Variants in CACNA1A observed in about 807,000 individuals in gnomAD.
CACNA1A encodes the protein calcium voltage-gated channel subunit alpha1 A, also known as voltage-dependent P/Q-type calcium channel subunit alpha-1A.
Under a neutral mutation model 262.4 loss-of-function variants are expected in CACNA1A, and 57 were observed. That is an observed-to-expected ratio of 0.22 (90% CI 0.18 to 0.27). The LOEUF (loss-of-function observed/expected upper bound fraction) is 0.27, where lower values mean the gene tolerates loss of function less well. CACNA1A is among the 10% of genes least tolerant of loss of function. CACNA1A has a pLI of 1.00. For missense variants in CACNA1A, 2,526 were observed against 3,562.8 expected (o/e 0.71, Z 7.41); for synonymous variants, 1,431 against 1,419.3 (o/e 1.01, Z -0.18).
chr19:13,207,687 A>C lies in CACNA1A; in HGVS notation c.7147T>G (p.Cys2383Gly). Residue 2383 changes from cysteine to glycine, a missense_variant, in exon 47 of 47, where the codon TGT becomes GGT. Coordinates refer to ENST00000360228, the MANE Select transcript of CACNA1A (RefSeq NM_001127222.2). The surrounding 1 kb of genome is among the most constrained non-coding windows in gnomAD (Gnocchi z 5.7). ...GGCCACCGGGCCCCGCCGTGTCGAC[A>C]GGCCCTGGGGGACTCGCTCCGGGCC... is the stretch of plus-strand genomic sequence containing the variant. The part of the protein sequence containing the change: ...GPARSESPRA[C>G]RHGGARWPAS... The C allele has an allele frequency of 1.4e-6, 2 of 1,413,252 alleles. No homozygotes were observed. Among genetic ancestry groups the C allele is most frequent in the South Asian group, 1.4e-5 (1 of 69,738 alleles). The allele number at this position is 1,413,252 out of a possible 1,614,324, so 87.5% of individuals were successfully genotyped here.
In CACNA1A at chr19:13,413,895, A is replaced by AAAGAAAGAAAGAAAGAAAGAAAG. The variant is rs2060168175; in HGVS notation, c.539+38980_539+38981insCTTTCTTTCTTTCTTTCTTTCTT. Among the ~76,000 whole-genome samples the AAAGAAAGAAAGAAAGAAAGAAAG allele has an allele frequency of 1.7e-4, 20 of 119,138 alleles. 3 individuals carry two copies. The highest frequency in any genetic ancestry group is 7.3e-4 in the African/African-American group (18 of 24,552). The allele number at this position is 119,138 out of a possible 152,430, so 78.2% of individuals were successfully genotyped here. ...GACTCTGTCAAGAAAGAAAGAAAGAAAAAGAAAGAAAGAAAGAAAGAAAGA... is the reference window on the plus strand; with the variant it reads ...GACTCTGTCAAGAAAGAAAGAAAGAAAAGAAAGAAAGAAAGAAAGAAAGAAAGAAAGAAAGAAAGAAAGAAAGA... On this transcript the variant is annotated intron_variant, in intron 3 of 46. Transcript: ENST00000360228.
At chr19:13,401,557 C>G (rs1045876216) in intron 3 of CACNA1A, among the ~76,000 whole-genome samples, 4 of 152,178 alleles carry the variant, frequency 2.6e-5, no homozygotes, top group Non-Finnish European at 5.9e-5. Flanking sequence ...CATTTCCCAG[C>G]CTCCCATGCA....
At chr19:13,290,413 T>TATA (rs918297732) in intron 19 of CACNA1A, among the ~76,000 whole-genome samples, 4 of 151,110 alleles carry the variant, frequency 2.6e-5, no homozygotes, top group African/African-American at 4.9e-5. Flanking sequence ...TCTGTGTGTG[T>TATA]ATAATAATAA....
chr19:13,317,337 T>C lies in CACNA1A; in HGVS notation c.1346-16A>G. 1 of 1,590,288 alleles carries C rather than the reference T, an allele frequency of 6.3e-7. No individual in the cohort carries two copies. Among genetic ancestry groups the C allele is most frequent in the Non-Finnish European group, 8.6e-7 (1 of 1,160,842 alleles). On this transcript the variant is annotated splice_polypyrimidine_tract_variant and intron_variant, in intron 10 of 46. Coordinates refer to ENST00000360228, the MANE Select transcript of CACNA1A (RefSeq NM_001127222.2). ...AAGGGAGAACCTGCCAGGGAAAAGA[T>C]GGAGAATGTCAGGCTCAGGCTGTTC...
At chr19:13,435,706 C>T (rs928026823) in intron 3 of CACNA1A, among the ~76,000 whole-genome samples, 12 of 152,162 alleles carry the variant, frequency 7.9e-5, no homozygotes, top group East Asian at 1.9e-4. Flanking sequence ...ATAACTCCCT[C>T]GGGTCACTCG....
rs762033223 is a variant in CACNA1A at position 13,334,433 on chromosome 19, C to T, written c.1143G>A (p.Arg381=). The T allele has an allele frequency of 9.3e-6, 15 of 1,612,822 alleles. No homozygotes were observed. Among genetic ancestry groups the T allele is most frequent in the Non-Finnish European group, 1.3e-5 (15 of 1,178,954 alleles). The stretch of plus-strand genomic sequence containing the variant: ...TGAGCTCACGTTCAATCTGTTGTTG[C>T]CGCCTCAGCTTCAGAAAAGCCCGCC... The part of the protein sequence containing the change: ...ENRRAFLKLR[R]QQQIERELNG... Residue 381 remains arginine (R), a synonymous_variant, in exon 8 of 47, where the codon CGG becomes CGA. Coordinates refer to ENST00000360228, the MANE Select transcript of CACNA1A (RefSeq NM_001127222.2).
chr19:13,240,558 CAT>C (rs1723876403), intron 31 of CACNA1A, among the ~76,000 whole-genome samples: 1 of 144,688 alleles, frequency 6.9e-6, no homozygotes, highest in African/African-American at 2.5e-5. Flanking sequence ...GCAGTGTGTG[CAT>C]AGTGACTGTG....
chr19:13,380,282 C>CAA (rs58162911), intron 3 of CACNA1A, among the ~76,000 whole-genome samples: 15 of 22,018 alleles, frequency 6.8e-4, no homozygotes, highest in Non-Finnish European at 7.6e-4. Flanking sequence ...GATGCCGTCT[C>CAA]AAAAAAAAAA....
intron 1 of CACNA1A, among the ~76,000 whole-genome samples, chr19:13,461,972 C>T (rs888738514): frequency 1.3e-5 from 2 of 152,132 alleles, no homozygotes; most frequent in Non-Finnish European, 2.9e-5. Context: ...CCTGCAGAGG[C>T]CCCAGAGAGA....
intron 38 of CACNA1A, among the ~76,000 whole-genome samples, chr19:13,223,022 T>C (rs2055295548): frequency 6.6e-6 from 1 of 151,958 alleles, no homozygotes; most frequent in African/African-American, 2.4e-5. Context: ...AATGTTTTTT[T>C]CTTTTTCTTT....
At chr19:13,457,101 A>G (rs1797783902) in intron 1 of CACNA1A, among the ~76,000 whole-genome samples, 1 of 152,052 alleles carries the variant, frequency 6.6e-6, no homozygotes, top group Non-Finnish European at 1.5e-5. Flanking sequence ...AATATGAAAA[A>G]TTAGCCGGGC....
At chr19:13,274,338 G>A (rs2057096572) in intron 24 of CACNA1A, 1 of 152,132 alleles carries the variant, frequency 6.6e-6, no homozygotes, top group African/African-American at 2.4e-5. Flanking sequence ...TACTGGAAAT[G>A]GGCCACTATT....
At chr19:13,427,502 C>T (rs2060425428) in intron 3 of CACNA1A, among the ~76,000 whole-genome samples, 1 of 118,674 alleles carries the variant, frequency 8.4e-6, no homozygotes, top group African/African-American at 3.3e-5. Flanking sequence ...ATAAAGAGTT[C>T]CCCCTATGAG....
At position 13,398,796 on chromosome 19, in the gene CACNA1A, T is replaced by C. The variant is rs187083635; in HGVS notation, c.540-27017A>G. On this transcript the variant is annotated intron_variant, in intron 3 of 46. Coordinates refer to ENST00000360228, the MANE Select transcript of CACNA1A (RefSeq NM_001127222.2). ...CATGAGAAGTGCTGAGCACACCACC[T>C]GATGCATAGTAAGTGCTCAGGAAGT... 4.6e-3 allele frequency among the ~76,000 whole-genome samples: 706 copies of C among 152,382 alleles called. 4 individuals are homozygous for C. The highest frequency in any genetic ancestry group is 7.5e-3 in the Non-Finnish European group (513 of 68,030).
chr19:13,503,883 G>C (rs1211826990), intron 1 of CACNA1A, among the ~76,000 whole-genome samples: 1 of 152,018 alleles, frequency 6.6e-6, no homozygotes, highest in East Asian at 1.9e-4. Context: ...AGCAACACTC[G>C]CAATTCACCT....
At chr19:13,327,519 G>GA (rs564901003) in intron 10 of CACNA1A, among the ~76,000 whole-genome samples, 218 of 109,490 alleles carry the variant, frequency 2.0e-3, no homozygotes, top group Middle Eastern at 5.3e-3. Context: ...CTCCATCTCA[G>GA]AAAAAAAAAA....
At chr19:13,402,803 T>TATATATATACATATATACACAC (rs2059923289) in intron 3 of CACNA1A, among the ~76,000 whole-genome samples, 3 of 119,810 alleles carry the variant, frequency 2.5e-5, no homozygotes, top group Non-Finnish European at 4.9e-5. Context: ...TATACACACA[T>TATATATATACATATATACACAC]ATATATATAC....
intron 3 of CACNA1A, among the ~76,000 whole-genome samples, chr19:13,381,003 T>C (rs2144606556): frequency 6.6e-6 from 1 of 152,126 alleles, no homozygotes; most frequent in Middle Eastern, 3.4e-3. Context: ...CTCGAACTCC[T>C]GAGCTCAAGC....
intron 36 of CACNA1A, chr19:13,228,650 A>G: frequency 1.3e-6 from 1 of 779,446 alleles, no homozygotes; most frequent in Non-Finnish European, 2.1e-6. Context: ...GAAGAACCCC[A>G]AGCCACACTC....
Sources: allele counts gnomAD v4.1 joint callset (sites outside exome capture counted in the v4.1 genomes callset), GRCh38; gene constraint gnomAD v4.1.1; non-coding constraint Gnocchi (gnomAD v3.1); transcripts MANE v1.5; gene names NCBI Gene and HGNC (gene_info 2026-07-23, HGNC 2026-07-21).